UGT1A8: variants seen among roughly 807,000 people sequenced by gnomAD.
UGT1A8 encodes UDP-glucuronosyltransferase 1A8.
Under a neutral mutation model 45.3 loss-of-function variants are expected in UGT1A8, and 39 were observed. The ratio of observed to expected loss-of-function variants is 0.86; its 90% CI spans 0.67 to 1.12. UGT1A8 has a LOEUF of 1.12. Among genes scored for constraint, UGT1A8 ranks in the 50% most tolerant of loss-of-function variants. UGT1A8 has a pLI of 0.00. For missense variants in UGT1A8, 719 were observed against 664.9 expected, an observed-to-expected ratio of 1.08 and a Z score of -0.90; for synonymous variants, 275 against 249.2, an observed-to-expected ratio of 1.10 and a Z score of -0.97.
At chr2:233,696,110 A>C (rs2075324889) in intron 1 of UGT1A8, among the ~76,000 whole-genome samples, 1 of 152,238 alleles carries the variant, frequency 6.6e-6, no homozygotes, top group Admixed American at 6.5e-5. Flanking sequence ...AACAAAACAA[A>C]AAGAACTAGA....
At chr2:233,761,337 T>C (rs1199702907) in intron 1 of UGT1A8, among the ~76,000 whole-genome samples, 1 of 152,264 alleles carries the variant, frequency 6.6e-6, no homozygotes, top group Non-Finnish European at 1.5e-5. Context: ...GATTTCTTGG[T>C]ATCTGAGATT....
chr2:233,696,178 A>G (rs2075330295), intron 1 of UGT1A8, among the ~76,000 whole-genome samples: 1 of 152,242 alleles, frequency 6.6e-6, no homozygotes. Flanking sequence ...ATATATATTG[A>G]AGAGCTATCT....
intron 1 of UGT1A8, chr2:233,719,812 CAG>C: frequency 6.3e-7 from 1 of 1,587,558 alleles, no homozygotes; most frequent in Non-Finnish European, 8.6e-7. Flanking sequence ...TTCTTTATAA[CAG>C]ATAAACTGTT....
At chr2:233,756,741 CCTT>C (rs1339727663) in intron 1 of UGT1A8, among the ~76,000 whole-genome samples, 3 of 152,100 alleles carry the variant, frequency 2.0e-5, no homozygotes, top group African/African-American at 7.2e-5. Context: ...TTCACCTCCT[CCTT>C]ATTCTCTTTT....
intron 1 of UGT1A8, among the ~76,000 whole-genome samples, chr2:233,762,430 C>G (rs796065862): frequency 1.7e-4 from 26 of 152,296 alleles, no homozygotes; most frequent in African/African-American, 6.3e-4. Context: ...AATAGAGTAA[C>G]AGTGTATTCC....
intron 1 of UGT1A8, chr2:233,693,616 T>C (rs1361401309): frequency 1.9e-6 from 3 of 1,614,068 alleles, no homozygotes; most frequent in Middle Eastern, 1.6e-4. Context: ...ACCACATGAC[T>C]TTTTCCCAAC....
chr2:233,769,746 T>G lies in UGT1A8; in HGVS notation c.1295+1307T>G. On this transcript the variant is annotated intron_variant, in intron 4 of 4. Coordinates refer to ENST00000373450, the MANE Select transcript of UGT1A8 (RefSeq NM_019076.5). The surrounding 1 kb of genome is among the most constrained non-coding windows in gnomAD (Gnocchi z 4.4). ...GGCACACGCCTGTAGTCCCAGCCAC[T>G]CTGGAGGCTAAGGCGGGAGGATTGC... 6.9e-7 allele frequency: 1 copy of G among 1,441,832 alleles called. No homozygotes were observed. The highest frequency in any genetic ancestry group is 9.1e-7 in the Non-Finnish European group (1 of 1,095,648). The allele number at this position is 1,441,832 out of a possible 1,614,324, so 89.3% of individuals were successfully genotyped here.
intron 1 of UGT1A8, among the ~76,000 whole-genome samples, chr2:233,699,027 G>A (rs1169974105): frequency 6.6e-6 from 1 of 152,220 alleles, no homozygotes; most frequent in Non-Finnish European, 1.5e-5. Flanking sequence ...GAGCCACCAG[G>A]CAGTCCCAGA....
Position 233,618,086 on chromosome 2 carries a change from T to G in UGT1A8, c.379T>G (p.Leu127Val). Reference sequence around the variant, plus strand: ...CTTATTTTTTTCGCATTGCAGGAGTTTGTTTAATGACCGAAAATTAGTAGA... The same window carrying G: ...CTTATTTTTTTCGCATTGCAGGAGTGTGTTTAATGACCGAAAATTAGTAGA... ...FNLFFSHCRS[L>V]FNDRKLVEYL... Residue 127 changes from leucine (L) to valine (V), a missense_variant, in exon 1 of 5, where the codon TTG becomes GTG. Transcript: ENST00000373450. The G allele has an allele frequency of 1.2e-6, 2 of 1,614,144 alleles. No individual in the cohort carries two copies. The highest frequency in any genetic ancestry group is 1.7e-6 in the Non-Finnish European group (2 of 1,180,016).
rs554941297 is a variant in UGT1A8, at chr2:233,638,561, T to A, written c.855+19999T>A. On this transcript the variant is annotated intron_variant, in intron 1 of 4. Coordinates refer to ENST00000373450, the MANE Select transcript of UGT1A8 (RefSeq NM_019076.5). Reference sequence around the variant, plus strand: ...TAGCCAGTTTAAATAGGGATTCGGTTGCTTGTGACTGAAAAATCCTTGAAA... The same window carrying A: ...TAGCCAGTTTAAATAGGGATTCGGTAGCTTGTGACTGAAAAATCCTTGAAA... 1.4e-3 allele frequency among the ~76,000 whole-genome samples: 209 copies of A among 152,332 alleles called. 1 individual carries two copies. The highest frequency in any genetic ancestry group is 4.7e-3 in the African/African-American group (194 of 41,582).
intron 1 of UGT1A8, chr2:233,717,787 T>G (rs749121467): frequency 2.2e-6 from 1 of 456,322 alleles, no homozygotes; most frequent in Admixed American, 2.3e-5. Flanking sequence ...ATTTTGAAAT[T>G]TGAAGTAGTG....
chr2:233,736,909 G>T (rs1037857066), intron 1 of UGT1A8, among the ~76,000 whole-genome samples: 5 of 152,172 alleles, frequency 3.3e-5, no homozygotes, highest in Non-Finnish European at 1.5e-5. Flanking sequence ...TCCTCTGGAA[G>T]CTTCATACCA....
chr2:233,667,035 A>T (rs2074093773), intron 1 of UGT1A8, among the ~76,000 whole-genome samples: 1 of 152,066 alleles, frequency 6.6e-6, no homozygotes. Context: ...ACATTTTCTT[A>T]ATCCAGTCTA....
At chr2:233,677,182 C>T (rs1451476805) in intron 1 of UGT1A8, among the ~76,000 whole-genome samples, 1 of 152,104 alleles carries the variant, frequency 6.6e-6, no homozygotes, top group East Asian at 1.9e-4. Context: ...ATTAACATAT[C>T]TTTTTATTTA....
intron 1 of UGT1A8, among the ~76,000 whole-genome samples, chr2:233,621,831 T>A (rs1351666294): frequency 6.6e-6 from 1 of 152,140 alleles, no homozygotes; most frequent in Non-Finnish European, 1.5e-5. Flanking sequence ...GCTGCACCCA[T>A]CAACTGATCA....
intron 1 of UGT1A8, among the ~76,000 whole-genome samples, chr2:233,662,158 T>A (rs968036045): frequency 6.6e-6 from 1 of 152,244 alleles, no homozygotes; most frequent in Non-Finnish European, 1.5e-5. Flanking sequence ...AATGGTGTCA[T>A]GTATAGTCTG....
chr2:233,718,871 G>A (rs1468501233), intron 1 of UGT1A8: 3 of 1,613,900 alleles, frequency 1.9e-6, no homozygotes, highest in Non-Finnish European at 2.5e-6. Context: ...CAGGACTGCT[G>A]CTCCTCCTCA....
chr2:233,632,743 G>T (rs112032595), intron 1 of UGT1A8, among the ~76,000 whole-genome samples: 5,921 of 152,212 alleles, frequency 0.039, 154 homozygotes, highest in African/African-American at 0.064. Context: ...TGAGATGATG[G>T]GGTTTTCTAA....
intron 1 of UGT1A8, among the ~76,000 whole-genome samples, chr2:233,725,047 C>G (rs528406821): frequency 6.8e-6 from 1 of 147,932 alleles, no homozygotes; most frequent in Non-Finnish European, 1.5e-5. Context: ...ACCAGTCAGG[C>G]GTGGCGGCGC....
Sources: allele counts gnomAD v4.1 joint callset (sites outside exome capture counted in the v4.1 genomes callset), GRCh38; gene constraint gnomAD v4.1.1; non-coding constraint Gnocchi (gnomAD v3.1); transcripts MANE v1.5; gene names NCBI Gene and HGNC (gene_info 2026-07-23, HGNC 2026-07-21).